MIER1: variants seen among roughly 807,000 people sequenced by gnomAD.
MIER1 encodes mesoderm induction early response protein 1.
A neutral mutation model predicts 75.7 loss-of-function variants in MIER1; 40 were observed. The observed-to-expected ratio is 0.53, with a 90% CI of 0.41 to 0.69. The LOEUF is 0.69. Ranked by LOEUF, MIER1 falls within the 30% of genes least tolerant of loss-of-function variation. MIER1 has a pLI of 0.00. For synonymous variants in MIER1, 213 were observed against 223.4 expected (o/e 0.95, Z 0.42); for missense variants, 574 against 680.2 (o/e 0.84, Z 1.74).
intron 11 of MIER1, among the ~76,000 whole-genome samples, chr1:66,975,475 G>T (rs145423615): frequency 3.9e-5 from 6 of 152,016 alleles, no homozygotes; most frequent in African/African-American, 1.4e-4. Flanking sequence ...TGCAGTTAGC[G>T]GTTTGGTGCC....
intron 2 of MIER1, among the ~76,000 whole-genome samples, chr1:66,931,834 T>C (rs985932993): frequency 5.9e-5 from 9 of 152,000 alleles, no homozygotes; most frequent in African/African-American, 2.2e-4. Flanking sequence ...TGTAGCTGGA[T>C]TTATACATTT....
chr1:66,982,968 G>C (rs1666199813), intron 13 of MIER1, among the ~76,000 whole-genome samples: 1 of 152,218 alleles, frequency 6.6e-6, no homozygotes, highest in Non-Finnish European at 1.5e-5. Flanking sequence ...AAGGGAGGCA[G>C]ACAGTTGGTA....
intron 4 of MIER1, among the ~76,000 whole-genome samples, chr1:66,957,836 G>A (rs1326928140): frequency 6.6e-6 from 1 of 152,022 alleles, no homozygotes. Flanking sequence ...TAAAGATCTT[G>A]TTGTCAGCAA....
chr1:66,960,941 CAT>C (rs1270667373), intron 7 of MIER1, among the ~76,000 whole-genome samples: 3 of 152,020 alleles, frequency 2.0e-5, no homozygotes, highest in East Asian at 3.9e-4. Context: ...GTATCTTCAA[CAT>C]GTGTTGTTTT....
intron 13 of MIER1, 25 bp downstream of exon 13, chr1:66,981,943 C>G (rs756388873): frequency 6.2e-7 from 1 of 1,611,120 alleles, no homozygotes; most frequent in African/African-American, 1.3e-5. Flanking sequence ...AAACATTTCT[C>G]TTTCTTCATA....
chr1:66,981,306 G>A (rs148903251), intron 12 of MIER1, among the ~76,000 whole-genome samples: 300 of 152,294 alleles, frequency 2.0e-3, no homozygotes, highest in African/African-American at 6.5e-3. Context: ...AGATCTGGCA[G>A]AAATATAATA....
chr1:66,946,059 T>TA (rs1657562688), intron 3 of MIER1, 91 bp from the exon 4 acceptor site: 3 of 1,228,284 alleles, frequency 2.4e-6, no homozygotes, highest in East Asian at 2.8e-5. Flanking sequence ...ACTTTTGACT[T>TA]ACATCCAGCA....
chr1:66,934,841 G>C (rs1267907359), intron 2 of MIER1, among the ~76,000 whole-genome samples: 2 of 152,112 alleles, frequency 1.3e-5, no homozygotes, highest in African/African-American at 4.8e-5. Context: ...TATTGGAGGA[G>C]AGGGATGGTG....
chr1:66,959,076 T>C, intron 6 of MIER1, 93 bp downstream of exon 6: 1 of 1,044,204 alleles, frequency 9.6e-7, no homozygotes, highest in Non-Finnish European at 1.4e-6. Flanking sequence ...TTTGAATTCA[T>C]TTAGTCTGAA....
chr1:66,968,481 T>A (rs1279759711), intron 8 of MIER1, among the ~76,000 whole-genome samples: 1 of 152,160 alleles, frequency 6.6e-6, no homozygotes, highest in East Asian at 1.9e-4. Context: ...ATATCTTTAT[T>A]GTAGGGATTA....
At chr1:66,976,201 A>G (rs184815598) in intron 11 of MIER1, among the ~76,000 whole-genome samples, 4 of 151,740 alleles carry the variant, frequency 2.6e-5, no homozygotes, top group Non-Finnish European at 5.9e-5. Context: ...ATGGGGTTTC[A>G]CCATCTTGGC....
chr1:66,942,258 A>G (rs1033137867), intron 3 of MIER1, among the ~76,000 whole-genome samples: 2 of 152,196 alleles, frequency 1.3e-5, no homozygotes, highest in African/African-American at 2.4e-5. Flanking sequence ...GTACTTTGCA[A>G]TCAATGCTAG....
chr1:66,950,283 A>AT (rs1044482601), intron 4 of MIER1, among the ~76,000 whole-genome samples: 4 of 151,958 alleles, frequency 2.6e-5, no homozygotes, highest in Admixed American at 2.6e-4. Flanking sequence ...TAATTTTTGT[A>AT]TTTTTAATAG....
intron 13 of MIER1, among the ~76,000 whole-genome samples, chr1:66,982,207 T>C (rs1278383073): frequency 6.6e-6 from 1 of 152,230 alleles, no homozygotes; most frequent in Non-Finnish European, 1.5e-5. Context: ...CTAGTTGGGT[T>C]GATGCCTAGA....
intron 8 of MIER1, among the ~76,000 whole-genome samples, chr1:66,964,105 C>G (rs1191358911): frequency 6.9e-6 from 1 of 144,876 alleles, no homozygotes; most frequent in African/African-American, 2.6e-5. Context: ...GAGTCTTGCT[C>G]TTGTTGCCCA....
chr1:66,945,707 T>A (rs1363969454), intron 3 of MIER1, among the ~76,000 whole-genome samples: 1 of 152,022 alleles, frequency 6.6e-6, no homozygotes, highest in African/African-American at 2.4e-5. Context: ...ACCAAAAAAA[T>A]ATTAAAAAAT....
Position 66,983,256 on chromosome 1 carries a change from AAT to A in MIER1, c.1370-1315_1370-1314del, listed in dbSNP as rs1344935663. 4.6e-5 allele frequency among the ~76,000 whole-genome samples: 7 copies of A among 152,342 alleles called. No individual in the cohort carries two copies. In the South Asian group the frequency reaches 8.3e-4, roughly 18 times the overall value. ...GAAATCTTACAGTTATTTTTGACCT[AAT>A]CACAGTCGTCAGCTAGCTTTTTGGA... On this transcript the variant is annotated intron_variant, in intron 13 of 13. Coordinates refer to ENST00000401041, the MANE Select transcript of MIER1 (RefSeq NM_001077700.3).
chr1:66,961,257 T>C (rs1186871893), intron 7 of MIER1, among the ~76,000 whole-genome samples: 1 of 152,202 alleles, frequency 6.6e-6, no homozygotes, highest in East Asian at 1.9e-4. Flanking sequence ...TTATAGAAAC[T>C]TAAGGTAGGG....
At chr1:66,966,179 T>C (rs1187047165) in intron 8 of MIER1, among the ~76,000 whole-genome samples, 1 of 152,164 alleles carries the variant, frequency 6.6e-6, no homozygotes, top group Admixed American at 6.5e-5. Flanking sequence ...ATCCTATCCC[T>C]TGCCCTTCTC....
Sources: gnomAD v4.1 joint callset for allele counts (sites outside exome capture counted in the v4.1 genomes callset) on GRCh38, gnomAD v4.1.1 for gene constraint, MANE v1.5 for transcripts, NCBI Gene and HGNC (gene_info 2026-07-23, HGNC 2026-07-21) for gene names.